KIF18A: variants seen among roughly 807,000 people sequenced by gnomAD.
KIF18A encodes kinesin family member 18A.
Under a neutral mutation model 103.3 loss-of-function variants are expected in KIF18A, and 67 were observed. The observed-to-expected ratio is 0.65, with a 90% CI of 0.53 to 0.79. KIF18A has a LOEUF of 0.79. KIF18A is among the 30% of genes least tolerant of loss of function. The pLI is 0.00. For synonymous variants in KIF18A, 367 were observed against 355.5 expected, an observed-to-expected ratio of 1.03 and a Z score of -0.36; for missense variants, 1,032 against 1,062.5, an observed-to-expected ratio of 0.97 and a Z score of 0.40.
chr11:28,096,173 CAAAAAAAAA>C (rs1156735166), intron 2 of KIF18A, among the ~76,000 whole-genome samples: 1 of 49,692 alleles, frequency 2.0e-5, no homozygotes, highest in Admixed American at 2.7e-4. Flanking sequence ...AAGACTTCAT[CAAAAAAAAA>C]AAAAAAAAAA....
At chr11:28,062,537 T>G in intron 11 of KIF18A, 21 bp from the exon 12 acceptor site, 1 of 1,595,332 alleles carries the variant, frequency 6.3e-7, no homozygotes, top group Non-Finnish European at 8.5e-7. Context: ...CAATACAAAA[T>G]GTACTTCAGA....
chr11:28,069,865 A>C (rs1462433613), intron 10 of KIF18A, among the ~76,000 whole-genome samples: 1 of 152,122 alleles, frequency 6.6e-6, no homozygotes, highest in African/African-American at 2.4e-5. Flanking sequence ...GTTTGCCTAT[A>C]AGGCCTCAAA....
rs140374523 is a variant in KIF18A, at chr11:28,105,765, T to C, written c.-47+2299A>G. On this transcript the variant is annotated intron_variant, in intron 1 of 16. Coordinates refer to ENST00000263181, the MANE Select transcript of KIF18A (RefSeq NM_031217.4). Reference sequence around the variant, plus strand: ...ACAGAGTGGCCATTCTCAATAAGTATGCTTTAACAATGCTTAGATTAGGTT... The same window carrying C: ...ACAGAGTGGCCATTCTCAATAAGTACGCTTTAACAATGCTTAGATTAGGTT... Among the ~76,000 whole-genome samples the C allele has an allele frequency of 4.5e-3, 683 of 152,350 alleles. 6 individuals are homozygous for C. The highest frequency in any genetic ancestry group is 0.014 in the African/African-American group (589 of 41,588).
At chr11:28,056,274 G>A (rs1850779491) in intron 13 of KIF18A, among the ~76,000 whole-genome samples, 1 of 150,186 alleles carries the variant, frequency 6.7e-6, no homozygotes, top group Admixed American at 6.6e-5. Flanking sequence ...GCAAAGATAT[G>A]AAACTATAAA....
intron 13 of KIF18A, among the ~76,000 whole-genome samples, chr11:28,043,602 A>G (rs1270296960): frequency 6.7e-6 from 1 of 149,648 alleles, no homozygotes; most frequent in Non-Finnish European, 1.5e-5. Flanking sequence ...GATATTTAAA[A>G]CTATATTTTA....
At chr11:28,064,273 C>T (rs939877777) in intron 11 of KIF18A, among the ~76,000 whole-genome samples, 18 of 151,818 alleles carry the variant, frequency 1.2e-4, no homozygotes, top group Non-Finnish European at 2.4e-4. Flanking sequence ...ATTTTAGAGA[C>T]GGGCTTAGCC....
At chr11:28,023,494 TAG>T (rs1850271975) in intron 16 of KIF18A, among the ~76,000 whole-genome samples, 1 of 152,142 alleles carries the variant, frequency 6.6e-6, no homozygotes, top group Non-Finnish European at 1.5e-5. Flanking sequence ...GTGTAGAAAG[TAG>T]AGTTTTAAGA....
intron 15 of KIF18A, among the ~76,000 whole-genome samples, chr11:28,031,243 T>C (rs919665327): frequency 1.2e-4 from 19 of 152,196 alleles, no homozygotes; most frequent in Non-Finnish European, 2.5e-4. Context: ...GTATGTTTAT[T>C]GCGGCACTAT....
intron 1 of KIF18A, among the ~76,000 whole-genome samples, chr11:28,106,452 A>G (rs934863045): frequency 6.6e-6 from 1 of 151,652 alleles, no homozygotes; most frequent in Admixed American, 6.6e-5. Context: ...ACTCCCACCA[A>G]CTTACAACCA....
At chr11:28,046,194 GTA>G (rs1304767171) in intron 13 of KIF18A, among the ~76,000 whole-genome samples, 1 of 151,998 alleles carries the variant, frequency 6.6e-6, no homozygotes, top group Non-Finnish European at 1.5e-5. Flanking sequence ...CCATTACTGG[GTA>G]TATATACCCA....
intron 6 of KIF18A, among the ~76,000 whole-genome samples, chr11:28,087,533 T>G (rs1851243931): frequency 6.6e-6 from 1 of 152,216 alleles, no homozygotes; most frequent in Non-Finnish European, 1.5e-5. Flanking sequence ...CTGTGAATAG[T>G]GCTGCAATAA....
chr11:28,058,107 T>C (rs902506304), intron 13 of KIF18A, among the ~76,000 whole-genome samples: 9 of 152,162 alleles, frequency 5.9e-5, no homozygotes, highest in African/African-American at 2.2e-4. Context: ...TCTTTTCTTC[T>C]ACATTGTCTG....
chr11:28,088,363 C>T (rs1851258744), intron 6 of KIF18A, among the ~76,000 whole-genome samples, 161 bp downstream of exon 6: 1 of 152,064 alleles, frequency 6.6e-6, no homozygotes, highest in Non-Finnish European at 1.5e-5. Flanking sequence ...CAGTTTAATA[C>T]ACTAGGTTTT....
intron 13 of KIF18A, among the ~76,000 whole-genome samples, chr11:28,049,660 G>A (rs924953152): frequency 6.6e-6 from 1 of 151,942 alleles, no homozygotes; most frequent in Non-Finnish European, 1.5e-5. Context: ...TGTACGTGAG[G>A]AGAAATTCTG....
intron 16 of KIF18A, among the ~76,000 whole-genome samples, chr11:28,022,455 G>T (rs1287639566): frequency 6.6e-6 from 1 of 151,982 alleles, no homozygotes; most frequent in Non-Finnish European, 1.5e-5. Context: ...TTTTGGTAGA[G>T]ACGGGGTTTC....
At chr11:28,052,231 A>C (rs1039804424) in intron 13 of KIF18A, among the ~76,000 whole-genome samples, 1 of 151,974 alleles carries the variant, frequency 6.6e-6, no homozygotes, top group African/African-American at 2.4e-5. Flanking sequence ...AGTCAGAGAG[A>C]TCTTTTAAGA....
rs1397665012 is a variant in KIF18A, at chr11:28,076,188, G to A, written c.1425+819C>T. ...GAGTGGTCTGTGTTTGGAAGGGAGAGGGCAGTATATTATTGTATTAAAAAA... is the reference window on the plus strand; with the variant it reads ...GAGTGGTCTGTGTTTGGAAGGGAGAAGGCAGTATATTATTGTATTAAAAAA... On this transcript the variant is annotated intron_variant, in intron 10 of 16. Coordinates refer to ENST00000263181, the MANE Select transcript of KIF18A (RefSeq NM_031217.4). Among the ~76,000 whole-genome samples the A allele has an allele frequency of 3.9e-5, 6 of 151,912 alleles. No homozygotes were observed. The East Asian group carries it at 1.2e-3, about 29-fold the overall frequency.
chr11:28,050,119 A>G (rs921571061), intron 13 of KIF18A, among the ~76,000 whole-genome samples: 1 of 151,682 alleles, frequency 6.6e-6, no homozygotes, highest in Non-Finnish European at 1.5e-5. Context: ...TAACCTTTTG[A>G]TATTTTTTCT....
intron 10 of KIF18A, among the ~76,000 whole-genome samples, chr11:28,071,448 A>T (rs924432314): frequency 1.3e-5 from 2 of 149,822 alleles, no homozygotes; most frequent in African/African-American, 4.9e-5. Flanking sequence ...TATTTTAATT[A>T]TTATTTAACA....
Sources: allele counts gnomAD v4.1 joint callset (sites outside exome capture counted in the v4.1 genomes callset), GRCh38; gene constraint gnomAD v4.1.1; transcripts MANE v1.5; gene names NCBI Gene and HGNC (gene_info 2026-07-23, HGNC 2026-07-21).